Variants in PCDHGA5 observed in about 807,000 individuals in gnomAD.
PCDHGA5 encodes the protein protocadherin gamma subfamily A, 5.
A neutral mutation model predicts 56.7 loss-of-function variants in PCDHGA5; 36 were observed. The ratio of observed to expected loss-of-function variants is 0.64; its 90% CI spans 0.49 to 0.84. The LOEUF (loss-of-function observed/expected upper bound fraction) is 0.84, where lower values mean the gene tolerates loss of function less well. Ranked by LOEUF, PCDHGA5 falls within the 40% of genes least tolerant of loss-of-function variation. The pLI is 0.00. For missense variants in PCDHGA5, 1,305 were observed against 1,201.5 expected, an observed-to-expected ratio of 1.09 and a Z score of -1.27; for synonymous variants, 563 against 520.2, an observed-to-expected ratio of 1.08 and a Z score of -1.12.
intron 1 of PCDHGA5, chr5:141,398,974 A>G (rs1486049931): frequency 1.4e-5 from 23 of 1,613,860 alleles, no homozygotes; most frequent in Non-Finnish European, 1.9e-5. Context: ...TTCCTTCTAC[A>G]GAACCGGGCA....
rs756330109 is a variant in PCDHGA5, at chr5:141,432,621, T to A, written c.2422-62186T>A. ...GAGCCGGGACTCTTCTCGGTGGGTC[T>A]GCACACGGGCGAGGTGCGCACGGCG... On this transcript the variant is annotated intron_variant, in intron 1 of 3. Transcript: ENST00000518069. This position sits in a 1 kb window ranked among gnomAD's most constrained non-coding sequence, Gnocchi z 6.0. The A allele has an allele frequency of 3.1e-6, 5 of 1,612,942 alleles. No homozygotes were observed. Among genetic ancestry groups the A allele is most frequent in the Admixed American group, 1.7e-5 (1 of 59,962 alleles).
chr5:141,419,777 C>T (rs976849391), intron 1 of PCDHGA5: 3 of 1,614,054 alleles, frequency 1.9e-6, no homozygotes, highest in Admixed American at 3.3e-5. Flanking sequence ...CTCGGTCCGC[C>T]AGCGCCTGCT....
In PCDHGA5 at chr5:141,384,330, G is replaced by A. The variant is rs758151138; in HGVS notation, c.2421+17579G>A. 44 of 1,613,830 alleles carry A rather than the reference G, an allele frequency of 2.7e-5. No individual in the cohort carries two copies. The African/African-American group carries it at 2.8e-4, about 10-fold the overall frequency. On this transcript the variant is annotated intron_variant, in intron 1 of 3. Coordinates refer to ENST00000518069, the MANE Select transcript of PCDHGA5 (RefSeq NM_018918.3). ...CCTCCATTTTCTTAGTGACTGCACA[G>A]GACCACGACAGTGAGGATAATGCCC...
chr5:141,485,865 C>A lies in PCDHGA5; in HGVS notation c.2422-8942C>A. ...TCTGGCACCGCAGAGCTCCGGGTAT[C>A]CGTGCTGGACGTAAACGACAACGCC... On this transcript the variant is annotated intron_variant, in intron 1 of 3. Transcript: ENST00000518069. The surrounding 1 kb of genome is among the most constrained non-coding windows in gnomAD (Gnocchi z 5.7). 1 of 1,614,182 alleles carries A rather than the reference C, an allele frequency of 6.2e-7. No homozygotes were observed. The highest frequency in any genetic ancestry group is 8.5e-7 in the Non-Finnish European group (1 of 1,180,034).
intron 1 of PCDHGA5, chr5:141,413,478 T>C (rs755324008): frequency 6.2e-7 from 1 of 1,614,074 alleles, no homozygotes; most frequent in East Asian, 2.2e-5. Flanking sequence ...AGCTCTGCGC[T>C]CAGAGCGCGC....
chr5:141,408,345 G>A (rs370026579), intron 1 of PCDHGA5: 3 of 1,613,812 alleles, frequency 1.9e-6, no homozygotes, highest in Non-Finnish European at 2.5e-6. Context: ...TCGGTGGTGG[G>A]GAACCTCGCT....
At chr5:141,378,758 C>G (rs969501970) in intron 1 of PCDHGA5, 1 of 152,162 alleles carries the variant, frequency 6.6e-6, no homozygotes, top group Non-Finnish European at 1.5e-5. Flanking sequence ...AAGGGATTAT[C>G]ATTTAGAAGA....
intron 1 of PCDHGA5, chr5:141,394,860 G>C (rs750446579): frequency 5.0e-6 from 8 of 1,613,674 alleles, no homozygotes; most frequent in Non-Finnish European, 5.9e-6. Flanking sequence ...GCCTTCGGTC[G>C]ACCCGAACGA....
Position 141,365,163 on chromosome 5 carries a change from C to A in PCDHGA5, c.833C>A (p.Thr278Asn). The change falls in exon 1 of 4, where the codon ACC (threonine) becomes AAC (asparagine). Residue 278 changes from threonine (T) to asparagine (N), a missense_variant. Physicochemically the swap from Thr to Asn is moderately conservative, Grantham distance 65. Coordinates refer to ENST00000518069, the MANE Select transcript of PCDHGA5 (RefSeq NM_018918.3). ...GATGAGGGAATAAACGGGAAATTGA[C>A]CTACTCTTTTCGCAATGAAGAAGAA... is the stretch of plus-strand genomic sequence containing the variant. ...DPDEGINGKLTYSFRNEEEKI... is the reference protein window; with the variant it reads ...DPDEGINGKLNYSFRNEEEKI... 6.2e-7 allele frequency: 1 copy of A among 1,613,918 alleles called. No homozygotes were observed. Among genetic ancestry groups the A allele is most frequent in the Non-Finnish European group, 8.5e-7 (1 of 1,179,886 alleles).
intron 1 of PCDHGA5, among the ~76,000 whole-genome samples, chr5:141,464,648 G>A (rs776411908): frequency 6.6e-6 from 1 of 152,020 alleles, no homozygotes; most frequent in African/African-American, 2.4e-5. Flanking sequence ...AACCTGATGG[G>A]TAAAAAGATA....
Position 141,476,115 on chromosome 5 carries a change from A to G in PCDHGA5, c.2422-18692A>G. 1 of 1,592,814 alleles carries G rather than the reference A, an allele frequency of 6.3e-7. No homozygotes were observed. The highest frequency in any genetic ancestry group is 8.5e-7 in the Non-Finnish European group (1 of 1,171,734). On this transcript the variant is annotated intron_variant, in intron 1 of 3. Coordinates refer to ENST00000518069, the MANE Select transcript of PCDHGA5 (RefSeq NM_018918.3). This position sits in a 1 kb window ranked among gnomAD's most constrained non-coding sequence, Gnocchi z 7.6. ...CGCTGAGAGGAACTGCTTTTGAGTG[A>G]GATGGTCCCAGAGGCCTGGAGGAGC...
At chr5:141,414,936 G>T in intron 1 of PCDHGA5, 1 of 1,614,118 alleles carries the variant, frequency 6.2e-7, no homozygotes, top group South Asian at 1.1e-5. Context: ...GCTCCGCAGA[G>T]CCCGGCTACC....
chr5:141,400,221 C>G (rs377228541), intron 1 of PCDHGA5: 1 of 1,614,060 alleles, frequency 6.2e-7, no homozygotes, highest in Non-Finnish European at 8.5e-7. Flanking sequence ...TCTCAGTGCT[C>G]TTCCTCCTGG....
chr5:141,415,435 C>G, intron 1 of PCDHGA5: 1 of 1,614,202 alleles, frequency 6.2e-7, no homozygotes. Flanking sequence ...TCGGGCTTTC[C>G]TGCAGACCTA....
chr5:141,434,481 A>G (rs2097697198), intron 1 of PCDHGA5, among the ~76,000 whole-genome samples: 1 of 152,246 alleles, frequency 6.6e-6, no homozygotes, highest in Non-Finnish European at 1.5e-5. Context: ...GGCAAGGAAC[A>G]CCTGGCCCGC....
At chr5:141,381,785 G>T (rs1349926565) in intron 1 of PCDHGA5, among the ~76,000 whole-genome samples, 1 of 149,782 alleles carries the variant, frequency 6.7e-6, no homozygotes, top group Non-Finnish European at 1.5e-5. Context: ...CAGGAACAAG[G>T]CAAGGCAATT....
rs2099068970 is a variant in PCDHGA5 at position 141,463,759 on chromosome 5, T to C, written c.2422-31048T>C. 2.0e-5 allele frequency among the ~76,000 whole-genome samples: 3 copies of C among 152,234 alleles called. No homozygotes were observed. The South Asian group carries it at 6.2e-4, about 32-fold the overall frequency. ...CCGCGCCCGGCCTGCTTCTCTTCTCTTATGGGTTAGAATCCTGCACTGTCT... is the reference window on the plus strand; with the variant it reads ...CCGCGCCCGGCCTGCTTCTCTTCTCCTATGGGTTAGAATCCTGCACTGTCT... On this transcript the variant is annotated intron_variant, in intron 1 of 3. Transcript: ENST00000518069.
At chr5:141,415,157 C>T in intron 1 of PCDHGA5, 1 of 1,613,864 alleles carries the variant, frequency 6.2e-7, no homozygotes, top group Non-Finnish European at 8.5e-7. Flanking sequence ...CTCTCCGCCA[C>T]TGTCACGCTC....
At chr5:141,429,091 T>A (rs985605582) in intron 1 of PCDHGA5, 2 of 152,160 alleles carry the variant, frequency 1.3e-5, no homozygotes, top group African/African-American at 4.8e-5. Flanking sequence ...CCTGACCTCG[T>A]GATCTGCCCG....
Sources: allele counts gnomAD v4.1 joint callset (sites outside exome capture counted in the v4.1 genomes callset), GRCh38; gene constraint gnomAD v4.1.1; non-coding constraint Gnocchi (gnomAD v3.1); transcripts MANE v1.5; gene names NCBI Gene and HGNC (gene_info 2026-07-23, HGNC 2026-07-21).